RFX1: variants seen among roughly 807,000 people sequenced by gnomAD.
RFX1 encodes MHC class II regulatory factor RFX1.
A neutral mutation model predicts 119.6 loss-of-function variants in RFX1; 42 were observed. The ratio of observed to expected loss-of-function variants is 0.35; its 90% CI spans 0.27 to 0.45. The LOEUF is 0.45. Ranked by LOEUF, RFX1 falls within the 20% of genes least tolerant of loss-of-function variation. The probability of loss-of-function intolerance (pLI) is 1.00; values close to 1 mark genes in which losing one functional copy is unlikely to be tolerated. For missense variants in RFX1, 1,118 were observed against 1,368.1 expected (o/e 0.82, Z 2.88); for synonymous variants, 628 against 618.5 (o/e 1.02, Z -0.23).
chr19:13,980,752 T>C lies in RFX1; in HGVS notation c.622-63A>G. ...GGCTTGCATCCTCTCTGAGGTGGGC[T>C]CACACACACACCCTTCTCAGGAGAG... On this transcript the variant is annotated intron_variant, in intron 5 of 20. Transcript: ENST00000254325. This position sits in a 1 kb window ranked among gnomAD's most constrained non-coding sequence, Gnocchi z 5.1. 2.1e-6 allele frequency: 2 copies of C among 939,458 alleles called. No homozygotes were observed. The highest frequency in any genetic ancestry group is 3.2e-6 in the Non-Finnish European group (2 of 616,590). The allele number at this position is 939,458 out of a possible 1,614,324, so 58.2% of individuals were successfully genotyped here.
In RFX1 at chr19:13,963,852, G is replaced by A. The variant is rs769307518; in HGVS notation, c.2361+6C>T. ...ATTCGCCCGCCCCGCCCCGCCCCGC[G>A]CTCACCTGCACGTTGGCGAAGTCCA... On this transcript the variant is annotated splice_donor_region_variant and intron_variant, in intron 17 of 20. Transcript: ENST00000254325. 2.0e-6 allele frequency: 3 copies of A among 1,477,852 alleles called. No individual in the cohort carries two copies. Among genetic ancestry groups the A allele is most frequent in the Non-Finnish European group, 2.7e-6 (3 of 1,104,076 alleles). 91.5% of individuals were successfully genotyped at this position (1,477,852 alleles called of 1,614,324 possible). A position where few individuals can be genotyped will look rare whatever the true frequency, so the allele number is the denominator to read the frequency against.
intron 9 of RFX1, among the ~76,000 whole-genome samples, chr19:13,971,130 T>TA (rs1430271339): frequency 2.6e-5 from 4 of 151,780 alleles, no homozygotes; most frequent in Non-Finnish European, 2.9e-5. Context: ...AGTCAGAAGT[T>TA]AGAGACCAGC....
At chr19:13,972,713 C>T (rs1377505554) in intron 9 of RFX1, 30 bp downstream of exon 9, 1 of 1,545,564 alleles carries the variant, frequency 6.5e-7, no homozygotes, top group Non-Finnish European at 8.8e-7. Flanking sequence ...CACTGCCTGC[C>T]TCCTCTGGGG....
chr19:13,992,487 T>C (rs1974839661), intron 2 of RFX1, among the ~76,000 whole-genome samples: 2 of 152,144 alleles, frequency 1.3e-5, no homozygotes, highest in South Asian at 4.1e-4. Flanking sequence ...CCTTAGCTTA[T>C]GTCATGAGAA....
intron 1 of RFX1, among the ~76,000 whole-genome samples, chr19:13,994,939 A>ATAG (rs1974959073): frequency 1.5e-5 from 1 of 64,914 alleles, no homozygotes; most frequent in African/African-American, 6.1e-5. Flanking sequence ...TATATATATA[A>ATAG]TCATTTTTTT....
chr19:13,962,719 G>GA lies in RFX1; in HGVS notation c.2915dup (p.Val973ArgfsTer75). ...CTTAGCTGGAGGGCAGCGCCTGCAC[G>GA]AAGAGGCCGCGCGCGTCAGTCCGCG... is the stretch of plus-strand genomic sequence containing the variant. On this transcript the variant is annotated frameshift_variant, in exon 21 of 21. Coordinates refer to ENST00000254325, the MANE Select transcript of RFX1 (RefSeq NM_002918.5). LOFTEE classifies it high-confidence loss of function. The GA allele has an allele frequency of 6.5e-7, 1 of 1,529,542 alleles. No homozygotes were observed. Among genetic ancestry groups the GA allele is most frequent in the Non-Finnish European group, 8.7e-7 (1 of 1,143,968 alleles). 94.7% of individuals were successfully genotyped at this position (1,529,542 alleles called of 1,614,324 possible).
At position 13,966,405 on chromosome 19, in the gene RFX1, G is replaced by A. The variant is rs201413702; in HGVS notation, c.1961+16C>T. The A allele has an allele frequency of 7.5e-5, 117 of 1,553,028 alleles. No individual in the cohort carries two copies. In the African/African-American group the frequency reaches 1.1e-3, roughly 14 times the overall value. Reference sequence around the variant, plus strand: ...CCTCCCCCCTCTCCCTCCCACAGTCGCCGGGCAGTACTCACACAGCCAGCG... The same window carrying A: ...CCTCCCCCCTCTCCCTCCCACAGTCACCGGGCAGTACTCACACAGCCAGCG... On this transcript the variant is annotated intron_variant, in intron 14 of 20. Coordinates refer to ENST00000254325, the MANE Select transcript of RFX1 (RefSeq NM_002918.5). This position sits in a 1 kb window ranked among gnomAD's most constrained non-coding sequence, Gnocchi z 6.3.
chr19:13,993,518 C>A lies in RFX1; in HGVS notation c.319+7G>T. On this transcript the variant is annotated splice_region_variant and intron_variant, in intron 2 of 20. Coordinates refer to ENST00000254325, the MANE Select transcript of RFX1 (RefSeq NM_002918.5). ...GAGTTTTCAGGACACACGAGCGCGG[C>A]ACTTACCAGAGACAGTGACCACGAT... is the stretch of plus-strand genomic sequence containing the variant. The A allele has an allele frequency of 6.2e-7, 1 of 1,609,314 alleles. No homozygotes were observed. The highest frequency in any genetic ancestry group is 1.1e-5 in the South Asian group (1 of 90,372).
At chr19:13,995,449 G>A (rs1212777427) in intron 1 of RFX1, among the ~76,000 whole-genome samples, 1 of 152,168 alleles carries the variant, frequency 6.6e-6, no homozygotes, top group East Asian at 1.9e-4. Flanking sequence ...CTTGACACCA[G>A]ATGTAAGCTC....
intron 8 of RFX1, among the ~76,000 whole-genome samples, chr19:13,974,367 G>A (rs981709550): frequency 2.0e-5 from 3 of 152,152 alleles, no homozygotes; most frequent in African/African-American, 7.2e-5. Context: ...GTGACGGGAT[G>A]GGCACCGGTG....
chr19:13,976,255 C>T (rs1397409687), intron 8 of RFX1, among the ~76,000 whole-genome samples: 1 of 152,254 alleles, frequency 6.6e-6, no homozygotes, highest in Admixed American at 6.5e-5. Flanking sequence ...TAAGTCGATC[C>T]ATGAGCTAAC....
chr19:14,001,947 C>T (rs1313840479), intron 1 of RFX1, among the ~76,000 whole-genome samples: 1 of 152,184 alleles, frequency 6.6e-6, no homozygotes, highest in Non-Finnish European at 1.5e-5. Flanking sequence ...ACCAGCCTGG[C>T]CAACATGGTG....
Position 13,965,432 on chromosome 19 carries a change from C to A in RFX1, c.2211+17G>T, listed in dbSNP as rs1395660420. On this transcript the variant is annotated intron_variant, in intron 16 of 20. Coordinates refer to ENST00000254325, the MANE Select transcript of RFX1 (RefSeq NM_002918.5). This position sits in a 1 kb window ranked among gnomAD's most constrained non-coding sequence, Gnocchi z 4.7. ...AAGCCCCAGAGATAGGAGAAAGGGA[C>A]CCCCTCACACTCTCACCTTCACCCG... 9.3e-6 allele frequency: 15 copies of A among 1,607,216 alleles called. No homozygotes were observed. The highest frequency in any genetic ancestry group is 1.1e-5 in the Non-Finnish European group (13 of 1,174,470).
chr19:13,970,661 CAAAAAAAAAAAAAAAAAAAAAAAA>C (rs1167910642), intron 9 of RFX1, among the ~76,000 whole-genome samples: 1 of 25,822 alleles, frequency 3.9e-5, no homozygotes, highest in African/African-American at 1.2e-4. Flanking sequence ...GACCTTGTCT[CAAAAAAAAAAAAAAAAAAAAAAAA>C]AAAAAAAAAA....
At chr19:13,964,772 C>T (rs903112325) in intron 16 of RFX1, among the ~76,000 whole-genome samples, 13 of 152,210 alleles carry the variant, frequency 8.5e-5, no homozygotes, top group Non-Finnish European at 1.6e-4. Context: ...TGAGCCACTA[C>T]GCCCGGCCTC....
intron 1 of RFX1, among the ~76,000 whole-genome samples, chr19:13,997,634 G>A (rs1464061045): frequency 2.6e-5 from 4 of 152,246 alleles, no homozygotes; most frequent in African/African-American, 4.8e-5. Context: ...GCTTACACTT[G>A]CCTCTTGGAT....
At position 13,986,516 on chromosome 19, in the gene RFX1, C is replaced by A. The variant is rs960467664; in HGVS notation, c.320-2921G>T. Among the ~76,000 whole-genome samples, 1 of 152,178 alleles carries A rather than the reference C, an allele frequency of 6.6e-6. No individual in the cohort carries two copies. Among genetic ancestry groups the A allele is most frequent in the Non-Finnish European group, 1.5e-5 (1 of 68,018 alleles). ...CTGCGGCCGGGGCAGGGCCCCTCCACCACTGGGTCTGGCCCTCGCTGTGTT... is the reference window on the plus strand; with the variant it reads ...CTGCGGCCGGGGCAGGGCCCCTCCAACACTGGGTCTGGCCCTCGCTGTGTT... On this transcript the variant is annotated intron_variant, in intron 2 of 20. Transcript: ENST00000254325. This position sits in a 1 kb window ranked among gnomAD's most constrained non-coding sequence, Gnocchi z 4.2.
Position 13,987,992 on chromosome 19 carries a change from CCTTGCTCTTGA to C in RFX1, c.320-4408_320-4398del, listed in dbSNP as rs1221961258. Among the ~76,000 whole-genome samples, 8 of 151,860 alleles carry C rather than the reference CCTTGCTCTTGA, an allele frequency of 5.3e-5. No homozygotes were observed. In the South Asian group the frequency reaches 6.2e-4, roughly 12 times the overall value. On this transcript the variant is annotated intron_variant, in intron 2 of 20. Transcript: ENST00000254325. ...AGCTCTGTCTGACCCAAAGACCATG[CCTTGCTCTTGA>C]CTTGCTCTTGACTTCTTGCTCTTTT... is the stretch of plus-strand genomic sequence containing the variant.
At position 13,968,999 on chromosome 19, in the gene RFX1, A is replaced by G. The variant is rs1256034876; in HGVS notation, c.1497-105T>C. On this transcript the variant is annotated intron_variant, in intron 10 of 20. Coordinates refer to ENST00000254325, the MANE Select transcript of RFX1 (RefSeq NM_002918.5). This position sits in a 1 kb window ranked among gnomAD's most constrained non-coding sequence, Gnocchi z 5.5. ...TCTCCTCTCTGTTAGGAGAATGGAT[A>G]GAGAGACGCCTGCCCTGCAGAGACG... 7.7e-7 allele frequency: 1 copy of G among 1,299,404 alleles called. No individual in the cohort carries two copies. The highest frequency in any genetic ancestry group is 1.0e-6 in the Non-Finnish European group (1 of 952,710). The allele number at this position is 1,299,404 out of a possible 1,614,324, so 80.5% of individuals were successfully genotyped here.
Sources: allele counts gnomAD v4.1 joint callset (sites outside exome capture counted in the v4.1 genomes callset), GRCh38; gene constraint gnomAD v4.1.1; non-coding constraint Gnocchi (gnomAD v3.1); transcripts MANE v1.5; gene names NCBI Gene and HGNC (gene_info 2026-07-23, HGNC 2026-07-21).